Variants in DPP6 observed in about 807,000 individuals in gnomAD.
DPP6 encodes dipeptidyl peptidase like 6.
In DPP6, 69 loss-of-function variants were observed where a neutral mutation model predicts 122.6. The ratio of observed to expected loss-of-function variants is 0.56; its 90% CI spans 0.46 to 0.69. DPP6 has a LOEUF of 0.69. Ranked by LOEUF, DPP6 falls within the 30% of genes least tolerant of loss-of-function variation. The pLI is 0.00. For synonymous variants in DPP6, 418 were observed against 433.1 expected (o/e 0.97, Z 0.43); for missense variants, 928 against 1,116.9 (o/e 0.83, Z 2.41).
intron 17 of DPP6, among the ~76,000 whole-genome samples, chr7:154,854,758 C>T (rs1006434885): frequency 1.3e-5 from 2 of 152,254 alleles, no homozygotes; most frequent in African/African-American, 2.4e-5. Context: ...CGGGCACATC[C>T]GTGTTTACGC....
In DPP6 at chr7:153,916,254, T is replaced by G. The variant is rs1035281149; in HGVS notation, c.51+28520T>G. On this transcript the variant is annotated intron_variant, in intron 1 of 25. Coordinates refer to the DPP6 transcript ENST00000404039. ...TCACAAAGTGCTGGGATTACAGGCGTGAGCCACTGTGCCCGGCCCTCTGAT... is the reference window on the plus strand; with the variant it reads ...TCACAAAGTGCTGGGATTACAGGCGGGAGCCACTGTGCCCGGCCCTCTGAT... Among the ~76,000 whole-genome samples, 90 of 152,022 alleles carry G rather than the reference T, an allele frequency of 5.9e-4. 3 individuals are homozygous for G. Among genetic ancestry groups the G allele is most frequent in the Admixed American group, 5.2e-4 (8 of 15,264 alleles).
intron 1 of DPP6, among the ~76,000 whole-genome samples, chr7:154,208,102 A>G (rs978012242): frequency 2.0e-5 from 3 of 152,262 alleles, no homozygotes; most frequent in African/African-American, 7.2e-5. Context: ...AATAAAAGAA[A>G]GAAAAATAAA....
intron 2 of DPP6, among the ~76,000 whole-genome samples, chr7:154,448,109 A>G (rs1415702304): frequency 6.6e-6 from 1 of 152,200 alleles, no homozygotes; most frequent in African/African-American, 2.4e-5. Flanking sequence ...AAAAACAAGG[A>G]CAACCAGATA....
In DPP6 at chr7:154,282,463, C is replaced by T. The variant is rs374208306; in HGVS notation, c.244-163751C>T. Among the ~76,000 whole-genome samples, 55 of 152,258 alleles carry T rather than the reference C, an allele frequency of 3.6e-4. No individual in the cohort carries two copies. The highest frequency in any genetic ancestry group is 1.3e-3 in the African/African-American group (53 of 41,544). ...TGGTACTGTGTAATTTTTAGGACCT[C>T]CTTTTGTTCCCTACGCCCCTTGGGA... On this transcript the variant is annotated intron_variant, in intron 1 of 25. Transcript: ENST00000377770. The surrounding 1 kb of genome is among the most constrained non-coding windows in gnomAD (Gnocchi z 4.8).
At chr7:153,826,937 CATTT>C in the DPP6 span, among the ~76,000 whole-genome samples, 1 of 151,950 alleles carries the variant, frequency 6.6e-6, no homozygotes, top group Non-Finnish European at 1.5e-5. Context: ...AAATGTAACT[CATTT>C]ATTCAAATGT....
intron 1 of DPP6, among the ~76,000 whole-genome samples, chr7:153,987,306 TG>T (rs1318102039): frequency 6.6e-6 from 1 of 152,230 alleles, no homozygotes; most frequent in East Asian, 1.9e-4. Flanking sequence ...GTACCATGCC[TG>T]GGGCTTCAAT....
In DPP6 at chr7:154,659,148, T is replaced by C. The variant is rs1024634603; in HGVS notation, c.681-10212T>C. On this transcript the variant is annotated intron_variant, in intron 6 of 25. Transcript: ENST00000377770. ...GAAATCAAATTCCAATGCAAAAATA[T>C]AGGTTCCTTTCATAGGAACAGATGT... 4.6e-5 allele frequency among the ~76,000 whole-genome samples: 7 copies of C among 152,188 alleles called. No individual in the cohort carries two copies. In the East Asian group the frequency reaches 1.2e-3, roughly 25 times the overall value.
At chr7:154,582,993 G>A (rs1293698445) in intron 5 of DPP6, among the ~76,000 whole-genome samples, 1 of 152,146 alleles carries the variant, frequency 6.6e-6, no homozygotes, top group African/African-American at 2.4e-5. Context: ...AGGGATGGAG[G>A]GCTGTGGTTC....
At chr7:154,613,019 G>A (rs150389553) in intron 5 of DPP6, among the ~76,000 whole-genome samples, 1 of 152,228 alleles carries the variant, frequency 6.6e-6, no homozygotes, top group African/African-American at 2.4e-5. Context: ...ACTTCTTGTT[G>A]TAGCCTCATG....
At chr7:153,949,622 A>C (rs1008427516) in intron 1 of DPP6, among the ~76,000 whole-genome samples, 3 of 152,178 alleles carry the variant, frequency 2.0e-5, no homozygotes, top group African/African-American at 4.8e-5. Context: ...ATTCTCACAC[A>C]CCTAAACACG....
intron 1 of DPP6, among the ~76,000 whole-genome samples, chr7:154,256,188 C>T (rs557134431): frequency 2.0e-4 from 30 of 152,152 alleles, no homozygotes; most frequent in East Asian, 3.9e-4. Context: ...ATTATGAGAC[C>T]CAATTTAAGG....
At chr7:154,334,696 G>A (rs207468850) in intron 1 of DPP6, among the ~76,000 whole-genome samples, 2 of 152,190 alleles carry the variant, frequency 1.3e-5, no homozygotes, top group Non-Finnish European at 2.9e-5. Flanking sequence ...AGAAGTTCGA[G>A]ATCAGTCTGG....
In DPP6 at chr7:154,185,278, C is replaced by T. The variant is rs530174150; in HGVS notation, c.243+132215C>T. ...CAGCTTCTGGGATTTCAATTTTTGC[C>T]TGGATTCACAGAATAGTAAAACCTC... On this transcript the variant is annotated intron_variant, in intron 1 of 25. Transcript: ENST00000377770. Among the ~76,000 whole-genome samples the T allele has an allele frequency of 1.1e-4, 16 of 152,308 alleles. No individual in the cohort carries two copies. The South Asian group carries it at 3.3e-3, about 32-fold the overall frequency.
chr7:154,592,510 G>T (rs1354177924), intron 5 of DPP6, among the ~76,000 whole-genome samples: 2 of 152,314 alleles, frequency 1.3e-5, no homozygotes, highest in Non-Finnish European at 2.9e-5. Context: ...CATCCTGCTG[G>T]AAAGACCGTG....
chr7:153,755,151 T>G, the DPP6 span, among the ~76,000 whole-genome samples: 1 of 151,944 alleles, frequency 6.6e-6, no homozygotes, highest in African/African-American at 2.4e-5. Flanking sequence ...TCTGATGATT[T>G]GTTTTTCATT....
At chr7:154,644,165 G>A (rs1269520630) in intron 6 of DPP6, among the ~76,000 whole-genome samples, 4 of 152,178 alleles carry the variant, frequency 2.6e-5, no homozygotes, top group Non-Finnish European at 5.9e-5. Flanking sequence ...GGAATGTGAT[G>A]AAAACAGTAG....
chr7:154,569,645 A>G (rs1830986105), intron 5 of DPP6, among the ~76,000 whole-genome samples: 1 of 151,806 alleles, frequency 6.6e-6, no homozygotes, highest in Non-Finnish European at 1.5e-5. Context: ...GTGTAAACCA[A>G]CTGTCCAATT....
intron 5 of DPP6, among the ~76,000 whole-genome samples, chr7:154,597,578 A>G (rs1183862667): frequency 6.6e-6 from 1 of 150,954 alleles, no homozygotes; most frequent in Non-Finnish European, 1.5e-5. Context: ...GTGCCACTGC[A>G]CTCCAGCCCG....
chr7:154,125,242 G>A (rs1807791017), intron 1 of DPP6, among the ~76,000 whole-genome samples: 1 of 152,206 alleles, frequency 6.6e-6, no homozygotes, highest in Admixed American at 6.5e-5. Context: ...TCTGCAAAGA[G>A]AAGCCAGGAA....
Sources: allele counts gnomAD v4.1 joint callset (sites outside exome capture counted in the v4.1 genomes callset), GRCh38; gene constraint gnomAD v4.1.1; non-coding constraint Gnocchi (gnomAD v3.1); transcripts MANE v1.5; gene names NCBI Gene and HGNC (gene_info 2026-07-23, HGNC 2026-07-21).